The following COBLL1 variants were observed in gnomAD, a reference collection of about 807,000 sequenced individuals.
COBLL1 encodes cordon-bleu protein-like 1.
COBLL1 carries 50 observed loss-of-function variants against 94.8 expected under a neutral mutation model. The ratio of observed to expected loss-of-function variants is 0.53; its 90% CI spans 0.42 to 0.67. The LOEUF is 0.67. Ranked by LOEUF, COBLL1 falls within the 30% of genes least tolerant of loss-of-function variation. The pLI is 0.00. For missense variants in COBLL1, 1,362 were observed against 1,348.7 expected, an observed-to-expected ratio of 1.01 and a Z score of -0.15; for synonymous variants, 448 against 473.8, an observed-to-expected ratio of 0.95 and a Z score of 0.71.
At chr2:164,747,754 C>A (rs1158376619) in intron 2 of COBLL1, among the ~76,000 whole-genome samples, 2 of 152,146 alleles carry the variant, frequency 1.3e-5, no homozygotes, top group African/African-American at 4.8e-5. Context: ...GGATCACAGG[C>A]ATGAGCCACC....
chr2:164,689,681 T>C (rs1683490698), intron 13 of COBLL1, among the ~76,000 whole-genome samples: 1 of 152,326 alleles, frequency 6.6e-6, no homozygotes, highest in African/African-American at 2.4e-5. Flanking sequence ...CCTATTAATC[T>C]TCTTTTAAAA....
At chr2:164,742,094 G>A (rs951904982) in intron 3 of COBLL1, among the ~76,000 whole-genome samples, 4 of 151,980 alleles carry the variant, frequency 2.6e-5, no homozygotes, top group Admixed American at 6.6e-5. Flanking sequence ...AAGTTAACTC[G>A]GGGTGGCATG....
At position 164,743,694 on chromosome 2, in the gene COBLL1, G is replaced by T. The variant is rs1686711096; in HGVS notation, c.223C>A (p.His75Asn). 1 of 1,612,340 alleles carries T rather than the reference G, an allele frequency of 6.2e-7. No homozygotes were observed. The highest frequency in any genetic ancestry group is 8.5e-7 in the Non-Finnish European group (1 of 1,178,744). ...PGDIIKSTTV[H>N]GSKPMMDLLI... ...TCATTTACTCCAGCGTACCTGCCAT[G>T]AACAGTAGTAGATTTGATAATATCC... The change falls in exon 3 of 14, where the codon CAT becomes AAT. Residue 75 changes from histidine to asparagine, a missense_variant. His to Asn is a moderately conservative substitution (Grantham distance 68, BLOSUM62 1). Coordinates refer to ENST00000652658, the MANE Select transcript of COBLL1 (RefSeq NM_001365672.2).
chr2:164,784,628 T>A (rs947691229), intron 2 of COBLL1, among the ~76,000 whole-genome samples: 1 of 152,080 alleles, frequency 6.6e-6, no homozygotes, highest in African/African-American at 2.4e-5. Flanking sequence ...CCCTTCCTTC[T>A]GTTTGCATAA....
intron 1 of COBLL1, among the ~76,000 whole-genome samples, chr2:164,670,149 C>T (rs1382993323): frequency 6.6e-6 from 1 of 152,128 alleles, no homozygotes; most frequent in Non-Finnish European, 1.5e-5. Flanking sequence ...CACAAGCACT[C>T]TATAAAGTTG....
At chr2:164,672,592 G>A (rs1052879424) in intron 1 of COBLL1, among the ~76,000 whole-genome samples, 3 of 151,468 alleles carry the variant, frequency 2.0e-5, no homozygotes, top group South Asian at 2.1e-4. Flanking sequence ...CCAGCTACTC[G>A]GGAGGCTGAG....
intron 1 of COBLL1, among the ~76,000 whole-genome samples, chr2:164,671,113 C>G (rs1691234427): frequency 1.3e-5 from 2 of 152,122 alleles, no homozygotes; most frequent in Admixed American, 1.3e-4. Flanking sequence ...ACCTCTTACT[C>G]CTTTCTATAT....
chr2:164,767,028 T>C (rs1687964983), intron 2 of COBLL1, among the ~76,000 whole-genome samples: 1 of 152,166 alleles, frequency 6.6e-6, no homozygotes, highest in African/African-American at 2.4e-5. Flanking sequence ...ATAAGGATAA[T>C]GAATAAACTA....
At chr2:164,730,774 T>C (rs955953344) in intron 3 of COBLL1, among the ~76,000 whole-genome samples, 1 of 152,172 alleles carries the variant, frequency 6.6e-6, no homozygotes, top group Non-Finnish European at 1.5e-5. Context: ...GTCTTTAGCT[T>C]ATGAATTGGT....
chr2:164,797,393 T>C (rs1342091572), intron 2 of COBLL1, among the ~76,000 whole-genome samples: 2 of 152,204 alleles, frequency 1.3e-5, no homozygotes, highest in African/African-American at 2.4e-5. Context: ...ATGACAGGCA[T>C]AGTTTTGGGT....
At chr2:164,740,939 G>C (rs1267093859) in intron 3 of COBLL1, among the ~76,000 whole-genome samples, 1 of 152,058 alleles carries the variant, frequency 6.6e-6, no homozygotes, top group Admixed American at 6.6e-5. Context: ...AGTATTTGTA[G>C]AAGAACAAAG....
At chr2:164,782,552 T>A (rs1482780983) in intron 2 of COBLL1, among the ~76,000 whole-genome samples, 1 of 152,170 alleles carries the variant, frequency 6.6e-6, no homozygotes. Flanking sequence ...GACTGCTTTA[T>A]GAGTACAGGC....
chr2:164,736,162 G>A (rs1463667459), intron 3 of COBLL1, among the ~76,000 whole-genome samples: 7 of 152,030 alleles, frequency 4.6e-5, no homozygotes, highest in Admixed American at 4.6e-4. Flanking sequence ...TTTCATATCT[G>A]TACCTTGTAA....
intron 2 of COBLL1, among the ~76,000 whole-genome samples, chr2:164,805,806 T>C (rs1288325784): frequency 6.6e-6 from 1 of 152,150 alleles, no homozygotes; most frequent in African/African-American, 2.4e-5. Context: ...TGTGCAGGTT[T>C]TCGTGTGGAC....
chr2:164,839,912 G>A (rs565218603), intron 2 of COBLL1, among the ~76,000 whole-genome samples: 4 of 152,202 alleles, frequency 2.6e-5, no homozygotes, highest in Non-Finnish European at 5.9e-5. Context: ...TTGCAGAAAG[G>A]AGAAAGTTAA....
Position 164,695,098 on chromosome 2 carries a change from C to T in COBLL1, c.2294G>A (p.Gly765Glu). 1 of 1,613,760 alleles carries T rather than the reference C, an allele frequency of 6.2e-7. No homozygotes were observed. Among genetic ancestry groups the T allele is most frequent in the South Asian group, 1.1e-5 (1 of 91,068 alleles). ...YKDDQDMHALGKKHTHENVKE... is the reference protein window; with the variant it reads ...YKDDQDMHALEKKHTHENVKE... Reference sequence around the variant, plus strand: ...CACATTCTCATGAGTGTGCTTTTTCCCTAAAGCATGCATGTCCTGATCATC... The same window carrying T: ...CACATTCTCATGAGTGTGCTTTTTCTCTAAAGCATGCATGTCCTGATCATC... Residue 765 changes from glycine to glutamate, a missense_variant, in exon 12 of 14, where the codon GGG (glycine) becomes GAG (glutamate). Coordinates refer to ENST00000652658, the MANE Select transcript of COBLL1 (RefSeq NM_001365672.2).
At position 164,692,285 on chromosome 2, in the gene COBLL1, T is replaced by A. The variant is rs775620449; in HGVS notation, c.3236A>T (p.Glu1079Val). ...AGTCAGCAAACTCTGTCGCATCTGT[T>A]CTGGGTCAGAGCTTTGGAATGTTAA... ...SSLTFQSSDP[E>V]QMRQSLLTAI... Residue 1079 changes from glutamate (E) to valine (V), a missense_variant, in exon 13 of 14, where the codon GAA becomes GTA. Coordinates refer to ENST00000652658, the MANE Select transcript of COBLL1 (RefSeq NM_001365672.2). 1 of 1,613,598 alleles carries A rather than the reference T, an allele frequency of 6.2e-7. No homozygotes were observed. Among genetic ancestry groups the A allele is most frequent in the Non-Finnish European group, 8.5e-7 (1 of 1,179,668 alleles).
intron 2 of COBLL1, among the ~76,000 whole-genome samples, chr2:164,836,145 A>G (rs188980615): frequency 5.9e-5 from 9 of 152,254 alleles, no homozygotes; most frequent in African/African-American, 1.9e-4. Flanking sequence ...TCAGTAATCA[A>G]AAATCCTACT....
At chr2:164,797,760 CT>C (rs1683543226) in intron 2 of COBLL1, among the ~76,000 whole-genome samples, 2 of 152,162 alleles carry the variant, frequency 1.3e-5, no homozygotes, top group South Asian at 4.1e-4. Flanking sequence ...TTTTCTCCCA[CT>C]TTTGAAAAAG....
Sources: gnomAD v4.1 joint callset for allele counts (sites outside exome capture counted in the v4.1 genomes callset) on GRCh38, gnomAD v4.1.1 for gene constraint, MANE v1.5 for transcripts, NCBI Gene and HGNC (gene_info 2026-07-23, HGNC 2026-07-21) for gene names.